The following ARHGEF37 variants were observed in gnomAD, a reference collection of about 807,000 sequenced individuals.
The protein encoded by ARHGEF37 is Rho guanine nucleotide exchange factor (GEF) 37.
ARHGEF37 carries 55 observed loss-of-function variants against 71.1 expected under a neutral mutation model. The observed-to-expected ratio is 0.77, with a 90% CI of 0.62 to 0.97. The LOEUF is 0.97. Among genes scored for constraint, ARHGEF37 ranks in the 50% least tolerant of loss-of-function variants. The pLI is 0.00. For synonymous variants in ARHGEF37, 327 were observed against 350.6 expected, an observed-to-expected ratio of 0.93 and a Z score of 0.75; for missense variants, 765 against 836.8, an observed-to-expected ratio of 0.91 and a Z score of 1.06.
upstream of ARHGEF37, among the ~76,000 whole-genome samples, chr5:149,580,200 A>G (rs1249141776): frequency 6.6e-6 from 1 of 152,060 alleles, no homozygotes; most frequent in Non-Finnish European, 1.5e-5. Context: ...AGCTGGGATT[A>G]CAGGTGTGCA....
intron 1 of ARHGEF37, among the ~76,000 whole-genome samples, chr5:149,592,986 T>A (rs1763454850): frequency 6.6e-6 from 1 of 152,164 alleles, no homozygotes; most frequent in Non-Finnish European, 1.5e-5. Flanking sequence ...GTCAGGCTGG[T>A]CTTGAACTCC....
intron 1 of ARHGEF37, among the ~76,000 whole-genome samples, chr5:149,554,388 C>CT (rs931709462): frequency 2.6e-5 from 4 of 151,818 alleles, no homozygotes; most frequent in East Asian, 1.9e-4. Flanking sequence ...TCCTCCTCGC[C>CT]TTTTTTTTAG....
chr5:149,574,830 G>A lies in ARHGEF37; in HGVS notation c.-12+22707G>A, dbSNP rs377476969. On this transcript the variant is annotated intron_variant, in intron 1 of 2. Coordinates refer to the ARHGEF37 transcript ENST00000505810. ...CAAATTCTACAGATACTCCATCAAA[G>A]TTTTACTCTTACTTTCTCCTCTTCT... Among the ~76,000 whole-genome samples the A allele has an allele frequency of 2.5e-4, 38 of 152,234 alleles. 1 individual carries two copies. The South Asian group carries it at 5.2e-3, about 21-fold the overall frequency.
In ARHGEF37 at chr5:149,632,229, G is replaced by C; in HGVS notation, c.*38G>C. 5.0e-6 allele frequency: 8 copies of C among 1,604,664 alleles called. No homozygotes were observed. Among genetic ancestry groups the C allele is most frequent in the Non-Finnish European group, 6.8e-6 (8 of 1,173,166 alleles). On this transcript the variant is annotated 3_prime_UTR_variant, in exon 13 of 13. Coordinates refer to ENST00000333677, the MANE Select transcript of ARHGEF37 (RefSeq NM_001001669.3). ...GGAGCCTACATTGCCAAATGATGGG[G>C]GAGGCTTAGAGGCTCTGACCCTGGG...
chr5:149,578,391 C>T (rs1763050889), upstream of ARHGEF37, among the ~76,000 whole-genome samples: 1 of 152,182 alleles, frequency 6.6e-6, no homozygotes, highest in South Asian at 2.1e-4. Context: ...AAGGCCCATA[C>T]ACCTCAGGCA....
intron 10 of ARHGEF37, 55 bp from the exon 11 acceptor site, chr5:149,627,021 A>G: frequency 1.3e-6 from 2 of 1,529,708 alleles, no homozygotes; most frequent in Non-Finnish European, 1.8e-6. Flanking sequence ...TGTTGGTGCC[A>G]GCTTTGACAG....
chr5:149,556,295 G>A (rs1489595138), intron 1 of ARHGEF37, among the ~76,000 whole-genome samples: 2 of 152,234 alleles, frequency 1.3e-5, no homozygotes, highest in Non-Finnish European at 2.9e-5. Context: ...CCGGGTGCAA[G>A]TGATTCTCCT....
rs1464486367 is a variant in ARHGEF37, at chr5:149,622,071, T to A, written c.1335+9T>A. 2 of 1,595,634 alleles carry A rather than the reference T, an allele frequency of 1.3e-6. No individual in the cohort carries two copies. The highest frequency in any genetic ancestry group is 2.3e-5 in the South Asian group (2 of 87,860). ...AGGGAAGCATGGCCCAGGTAAGGCC[T>A]CTGAGACTTGGACACCTGTGGGGAG... On this transcript the variant is annotated intron_variant, in intron 9 of 12. Transcript: ENST00000333677.
chr5:149,623,720 G>T (rs993485156), intron 9 of ARHGEF37, among the ~76,000 whole-genome samples: 3 of 152,214 alleles, frequency 2.0e-5, no homozygotes, highest in African/African-American at 7.2e-5. Context: ...GCCTGGAAAA[G>T]GCTGCAGGCA....
chr5:149,617,244 T>C (rs1752407835), intron 5 of ARHGEF37, among the ~76,000 whole-genome samples: 1 of 152,206 alleles, frequency 6.6e-6, no homozygotes, highest in African/African-American at 2.4e-5. Context: ...TTTGGAATTA[T>C]ATAAATTGGC....
chr5:149,599,654 T>C (rs1051989216), intron 2 of ARHGEF37, among the ~76,000 whole-genome samples: 1 of 152,104 alleles, frequency 6.6e-6, no homozygotes, highest in Admixed American at 6.5e-5. Context: ...ACTGTGAGAG[T>C]TACTATTACA....
At chr5:149,552,218 C>CAAAAA (rs58298279) in intron 1 of ARHGEF37, 6 of 72,744 alleles carry the variant, frequency 8.2e-5, no homozygotes, top group East Asian at 4.7e-4. Context: ...TCAACCCCAC[C>CAAAAA]AAAAAAAAAA....
At chr5:149,565,317 A>G (rs778611686) in intron 1 of ARHGEF37, among the ~76,000 whole-genome samples, 20 of 152,212 alleles carry the variant, frequency 1.3e-4, no homozygotes, top group Non-Finnish European at 2.5e-4. Context: ...GCAGAGAATA[A>G]GTCCTGTTAT....
intron 1 of ARHGEF37, among the ~76,000 whole-genome samples, chr5:149,557,982 C>T (rs1200847544): frequency 6.6e-6 from 1 of 151,634 alleles, no homozygotes; most frequent in East Asian, 2.0e-4. Flanking sequence ...TCTCCTGCCT[C>T]TGCCTCCCAA....
At position 149,616,637 on chromosome 5, in the gene ARHGEF37, C is replaced by CT. The variant is rs1561804346; in HGVS notation, c.530dup (p.Leu178AlafsTer12). On this transcript the variant is annotated frameshift_variant, in exon 5 of 13. Coordinates refer to ENST00000333677, the MANE Select transcript of ARHGEF37 (RefSeq NM_001001669.3). LOFTEE classifies it high-confidence loss of function. Reference sequence around the variant, plus strand: ...TCTGCAGAGGATCACCAGGTACCCACTGCTGCTGCAGAAAATCCTGGAGAA... The same window carrying CT: ...TCTGCAGAGGATCACCAGGTACCCACTTGCTGCTGCAGAAAATCCTGGAGAA... 6.2e-6 allele frequency: 10 copies of CT among 1,613,566 alleles called. No homozygotes were observed. The highest frequency in any genetic ancestry group is 7.6e-6 in the Non-Finnish European group (9 of 1,179,878).
At chr5:149,610,005 T>A (rs576632741) in intron 4 of ARHGEF37, among the ~76,000 whole-genome samples, 24 of 152,366 alleles carry the variant, frequency 1.6e-4, no homozygotes, top group African/African-American at 5.8e-4. Flanking sequence ...TGCCAGTAAC[T>A]GTGGCTTAAG....
chr5:149,570,134 T>C (rs1432957677), intron 1 of ARHGEF37, among the ~76,000 whole-genome samples: 5 of 152,206 alleles, frequency 3.3e-5, no homozygotes, highest in African/African-American at 1.2e-4. Flanking sequence ...TGATATGATT[T>C]TGTACATAGG....
intron 1 of ARHGEF37, among the ~76,000 whole-genome samples, chr5:149,569,469 G>C (rs1762937225): frequency 1.3e-5 from 2 of 151,996 alleles, no homozygotes; most frequent in Admixed American, 1.3e-4. Context: ...ACAGGCACCT[G>C]TCACCACGCC....
At chr5:149,558,716 TGTG>T in intron 1 of ARHGEF37, among the ~76,000 whole-genome samples, 1 of 135,082 alleles carries the variant, frequency 7.4e-6, no homozygotes, top group Non-Finnish European at 1.5e-5. Context: ...TGTGTGTGTG[TGTG>T]TGTGTGTGTG....
Sources: gnomAD v4.1 joint callset for allele counts (sites outside exome capture counted in the v4.1 genomes callset) on GRCh38, gnomAD v4.1.1 for gene constraint, MANE v1.5 for transcripts, NCBI Gene and HGNC (gene_info 2026-07-23, HGNC 2026-07-21) for gene names.